Variants in CLNK observed in about 807,000 individuals in gnomAD.
CLNK encodes cytokine-dependent hematopoietic cell linker.
Under a neutral mutation model 68.6 loss-of-function variants are expected in CLNK, and 74 were observed. That is an observed-to-expected ratio of 1.08 (90% CI 0.89 to 1.31). CLNK has a LOEUF of 1.31. Among genes scored for constraint, CLNK ranks in the 50% most tolerant of loss-of-function variants. The pLI is 0.00. For missense variants in CLNK, 553 were observed against 515.3 expected (o/e 1.07, Z -0.71); for synonymous variants, 198 against 172.2 (o/e 1.15, Z -1.17).
chr4:10,515,296 C>A (rs1433258884), intron 15 of CLNK, among the ~76,000 whole-genome samples: 1 of 152,078 alleles, frequency 6.6e-6, no homozygotes, highest in African/African-American at 2.4e-5. Flanking sequence ...TAAATGATTT[C>A]CTTCTGTCCA....
chr4:10,722,909 G>C, the CLNK span, among the ~76,000 whole-genome samples: 2 of 152,132 alleles, frequency 1.3e-5, no homozygotes, highest in Non-Finnish European at 2.9e-5. Context: ...AATTAGGCAG[G>C]TGTGGTGGTG....
chr4:10,576,134 G>A (rs1037379500), intron 4 of CLNK, among the ~76,000 whole-genome samples: 2 of 152,116 alleles, frequency 1.3e-5, no homozygotes, highest in African/African-American at 4.8e-5. Context: ...TGTCAGAACC[G>A]GGAAGCAGCG....
chr4:10,511,250 G>T (rs1322746457), intron 16 of CLNK, among the ~76,000 whole-genome samples: 1 of 152,082 alleles, frequency 6.6e-6, no homozygotes, highest in Non-Finnish European at 1.5e-5. Flanking sequence ...GACCCCCTTG[G>T]GCACATGTTC....
At chr4:10,636,754 G>T (rs981476505) in intron 2 of CLNK, among the ~76,000 whole-genome samples, 2 of 152,148 alleles carry the variant, frequency 1.3e-5, no homozygotes, top group Non-Finnish European at 2.9e-5. Context: ...ATGCTTGATT[G>T]CAACTGAATT....
chr4:10,714,034 T>C, the CLNK span, among the ~76,000 whole-genome samples: 80 of 152,320 alleles, frequency 5.3e-4, no homozygotes, highest in African/African-American at 1.9e-3. Flanking sequence ...CTTTCCTGCT[T>C]TCTTTCCATG....
chr4:10,542,382 G>A, intron 8 of CLNK, 102 bp from the exon 9 acceptor site: 1 of 771,978 alleles, frequency 1.3e-6, no homozygotes, highest in Non-Finnish European at 2.1e-6. Context: ...TAATAATATT[G>A]GTGATAACGT....
intron 13 of CLNK, among the ~76,000 whole-genome samples, chr4:10,527,598 A>G (rs1156509976): frequency 6.6e-6 from 1 of 152,228 alleles, no homozygotes; most frequent in East Asian, 1.9e-4. Flanking sequence ...CCTGCTTAGC[A>G]TCCTGCCATT....
the CLNK span, among the ~76,000 whole-genome samples, chr4:10,705,855 A>T: frequency 6.6e-6 from 1 of 152,226 alleles, no homozygotes; most frequent in Non-Finnish European, 1.5e-5. Context: ...CACAAAATCA[A>T]ATGTTCTATC....
the CLNK span, among the ~76,000 whole-genome samples, chr4:10,730,588 T>C: frequency 3.3e-5 from 5 of 152,244 alleles, no homozygotes; most frequent in Admixed American, 2.0e-4. Context: ...TCCTACTCTA[T>C]AGATTTAGAA....
At chr4:10,618,616 G>A (rs538877806) in intron 2 of CLNK, among the ~76,000 whole-genome samples, 176 of 152,282 alleles carry the variant, frequency 1.2e-3, no homozygotes, top group East Asian at 2.7e-3. Context: ...ATTGGCTCAC[G>A]GTTCTGCAGG....
At chr4:10,533,153 G>T (rs1718620411) in intron 11 of CLNK, among the ~76,000 whole-genome samples, 1 of 152,194 alleles carries the variant, frequency 6.6e-6, no homozygotes, top group Admixed American at 6.5e-5. Context: ...AGCTACTCGG[G>T]AGGCTGAGGC....
At chr4:10,541,844 C>T (rs555394235) in intron 10 of CLNK, among the ~76,000 whole-genome samples, 178 bp downstream of exon 10, 1 of 150,702 alleles carries the variant, frequency 6.6e-6, no homozygotes, top group Admixed American at 6.6e-5. Flanking sequence ...TGAATGAAGG[C>T]TTGTTTAATC....
At chr4:10,730,903 A>G in the CLNK span, among the ~76,000 whole-genome samples, 2 of 152,204 alleles carry the variant, frequency 1.3e-5, no homozygotes, top group African/African-American at 2.4e-5. Flanking sequence ...ACATGCACAC[A>G]TACACACACA....
At chr4:10,629,160 G>A (rs149452767) in intron 2 of CLNK, among the ~76,000 whole-genome samples, 1 of 152,270 alleles carries the variant, frequency 6.6e-6, no homozygotes, top group Non-Finnish European at 1.5e-5. Flanking sequence ...TGAGGGGTTG[G>A]GTCTTCATTC....
chr4:10,588,937 A>G (rs73228236), intron 3 of CLNK, among the ~76,000 whole-genome samples: 26,958 of 152,036 alleles, frequency 0.18, 2,665 homozygotes, highest in African/African-American at 0.26. Flanking sequence ...TGGGTGGAGG[A>G]GAAAATGAGG....
At chr4:10,607,065 A>G (rs983391417) in intron 2 of CLNK, among the ~76,000 whole-genome samples, 1 of 152,206 alleles carries the variant, frequency 6.6e-6, no homozygotes, top group Non-Finnish European at 1.5e-5. Context: ...ATAGTTAGAC[A>G]TATCTTGGTT....
intron 2 of CLNK, among the ~76,000 whole-genome samples, chr4:10,605,900 G>T (rs973264165): frequency 1.3e-5 from 2 of 151,624 alleles, no homozygotes; most frequent in Non-Finnish European, 2.9e-5. Context: ...CACTTACCAT[G>T]AATGAAGCTT....
chr4:10,640,118 A>G (rs538449711), intron 2 of CLNK, among the ~76,000 whole-genome samples: 3 of 152,102 alleles, frequency 2.0e-5, no homozygotes, highest in African/African-American at 7.2e-5. Context: ...CAAAGAGGTT[A>G]TTTAGGGCAT....
In CLNK at chr4:10,488,655, C is replaced by T. The variant is rs1487232271; in HGVS notation, c.*1812G>A. ...AAAGTTCCAGCTTTACAAATAGCTT[C>T]TTCATTAAATGCTCCTGATGTAACT... On this transcript the variant is annotated 3_prime_UTR_variant, in exon 19 of 19. Coordinates refer to ENST00000226951, the MANE Select transcript of CLNK (RefSeq NM_052964.4). 1 of 152,214 alleles carries T rather than the reference C, an allele frequency of 6.6e-6. No individual in the cohort carries two copies. The highest frequency in any genetic ancestry group is 1.5e-5 in the Non-Finnish European group (1 of 68,050). 9.4% of individuals were successfully genotyped at this position (152,214 alleles called of 1,614,324 possible). A position where few individuals can be genotyped will look rare whatever the true frequency, so the allele number is the denominator to read the frequency against.
Sources: gnomAD v4.1 joint callset for allele counts (sites outside exome capture counted in the v4.1 genomes callset) on GRCh38, gnomAD v4.1.1 for gene constraint, MANE v1.5 for transcripts, NCBI Gene and HGNC (gene_info 2026-07-23, HGNC 2026-07-21) for gene names.